WRN: variants seen among roughly 807,000 people sequenced by gnomAD.
WRN encodes WRN RecQ like helicase.
Under a neutral mutation model 180.7 loss-of-function variants are expected in WRN, and 149 were observed. The observed-to-expected ratio is 0.82, with a 90% CI of 0.72 to 0.94. WRN has a LOEUF of 0.94. Among genes scored for constraint, WRN ranks in the 40% least tolerant of loss-of-function variants. The probability of loss-of-function intolerance (pLI) is 0.00; values close to 1 mark genes in which losing one functional copy is unlikely to be tolerated. For missense variants in WRN, 1,661 were observed against 1,700.1 expected, an observed-to-expected ratio of 0.98 and a Z score of 0.40; for synonymous variants, 548 against 568.9, an observed-to-expected ratio of 0.96 and a Z score of 0.52.
intron 9 of WRN, 83 bp from the exon 10 acceptor site, chr8:31,083,616 T>C: frequency 1.0e-6 from 1 of 985,326 alleles, no homozygotes; most frequent in South Asian, 1.4e-5. Flanking sequence ...TAAAGATATC[T>C]AGTATATAGG....
intron 7 of WRN, among the ~76,000 whole-genome samples, chr8:31,072,247 T>C (rs989874939): frequency 5.3e-5 from 8 of 152,230 alleles, no homozygotes; most frequent in Non-Finnish European, 7.3e-5. Flanking sequence ...TAAATTCTGC[T>C]GAGAGTTTGA....
chr8:31,099,383 AAAGGAAGG>A (rs564093090), intron 17 of WRN, among the ~76,000 whole-genome samples: 91 of 147,320 alleles, frequency 6.2e-4, no homozygotes, highest in Middle Eastern at 3.5e-3. Context: ...TAGCCTAAGA[AAAGGAAGG>A]AAGGAAGGAA....
chr8:31,170,308 AT>A (rs201494570), intron 34 of WRN, among the ~76,000 whole-genome samples: 1 of 151,364 alleles, frequency 6.6e-6, no homozygotes, highest in Non-Finnish European at 1.5e-5. Flanking sequence ...CTCCTATGTC[AT>A]TTTTTTCTTC....
At chr8:31,135,652 A>G (rs1447479785) in intron 24 of WRN, among the ~76,000 whole-genome samples, 2 of 152,152 alleles carry the variant, frequency 1.3e-5, no homozygotes, top group East Asian at 1.9e-4. Context: ...TGTGGAATAT[A>G]TAGTAGATTT....
chr8:31,111,077 C>G (rs1241795185), intron 18 of WRN, among the ~76,000 whole-genome samples: 5 of 152,062 alleles, frequency 3.3e-5, no homozygotes, highest in East Asian at 3.9e-4. Flanking sequence ...TATCTCAGTA[C>G]CACTGAAGAG....
intron 18 of WRN, among the ~76,000 whole-genome samples, chr8:31,106,632 T>A (rs943781240): frequency 2.0e-5 from 3 of 152,280 alleles, no homozygotes; most frequent in Admixed American, 2.0e-4. Flanking sequence ...CTCTCAGATC[T>A]CTTGGATTTA....
At chr8:31,137,079 T>C (rs998662402) in intron 24 of WRN, among the ~76,000 whole-genome samples, 1 of 151,596 alleles carries the variant, frequency 6.6e-6, no homozygotes, top group Non-Finnish European at 1.5e-5. Context: ...TTTTTAATGT[T>C]ACTTGTTTTA....
chr8:31,109,802 T>G (rs997845178), intron 18 of WRN, among the ~76,000 whole-genome samples: 2 of 152,150 alleles, frequency 1.3e-5, no homozygotes, highest in Admixed American at 1.3e-4. Context: ...TCACATCTAG[T>G]AAGTGGCAAA....
chr8:31,158,766 A>G (rs16877794), intron 33 of WRN, among the ~76,000 whole-genome samples: 93,850 of 151,728 alleles, frequency 0.62, 29,356 homozygotes, highest in South Asian at 0.71. Context: ...TCTAAAGAAC[A>G]AACAGCTCCT....
At chr8:31,047,138 ATTT>A (rs549940818) in intron 1 of WRN, among the ~76,000 whole-genome samples, 11 of 115,282 alleles carry the variant, frequency 9.5e-5, no homozygotes, top group Admixed American at 1.8e-4. Flanking sequence ...GGCAATGCTG[ATTT>A]TTTTTTTTTT....
At chr8:31,066,172 C>T (rs1383650666) in intron 5 of WRN, among the ~76,000 whole-genome samples, 1 of 151,354 alleles carries the variant, frequency 6.6e-6, no homozygotes, top group South Asian at 2.1e-4. Flanking sequence ...GCCACCGCAC[C>T]TGGCCGGCAG....
intron 20 of WRN, among the ~76,000 whole-genome samples, chr8:31,119,249 A>C (rs1801630289): frequency 6.6e-6 from 1 of 151,574 alleles, no homozygotes; most frequent in Non-Finnish European, 1.5e-5. Flanking sequence ...TTCTTTATGA[A>C]ATGGCATGCA....
intron 10 of WRN, among the ~76,000 whole-genome samples, chr8:31,084,855 C>T (rs1016597758): frequency 6.6e-6 from 1 of 152,146 alleles, no homozygotes; most frequent in Non-Finnish European, 1.5e-5. Context: ...TTGGGAGACA[C>T]AGTTTGATAT....
At chr8:31,095,023 T>C (rs1294689646) in intron 16 of WRN, among the ~76,000 whole-genome samples, 3 of 152,188 alleles carry the variant, frequency 2.0e-5, no homozygotes, top group Non-Finnish European at 4.4e-5. Context: ...TTTAAGAAAC[T>C]ATGAAGCTTT....
At chr8:31,037,676 T>C (rs1358369648) in intron 1 of WRN, among the ~76,000 whole-genome samples, 1 of 152,216 alleles carries the variant, frequency 6.6e-6, no homozygotes, top group East Asian at 1.9e-4. Context: ...CTTGGCTCTT[T>C]TGTCAAAAAT....
intron 33 of WRN, among the ~76,000 whole-genome samples, chr8:31,161,590 G>A (rs2130496364): frequency 6.6e-6 from 1 of 152,268 alleles, no homozygotes; most frequent in South Asian, 2.1e-4. Flanking sequence ...TGTAATCCCA[G>A]CACTTTGGGA....
At position 31,100,925 on chromosome 8, in the gene WRN, G is replaced by T; in HGVS notation, c.2058G>T (p.Lys686Asn). ...WGHDFRDSFRKLGSLKTALPM... is the reference protein window; with the variant it reads ...WGHDFRDSFRNLGSLKTALPM... ...ATGATTTTAGGGATTCATTCAGGAA[G>T]TTGGGCTCCCTAAAGACAGCACTGC... Residue 686 changes from lysine (K) to asparagine (N), a missense_variant, in exon 18 of 35, where the codon AAG (lysine) becomes AAT (asparagine). Physicochemically the swap from Lys to Asn is moderately conservative, Grantham distance 94 (BLOSUM62 0). Around this residue, in one of 3 missense-constraint regions of WRN, gnomAD observed 1,141 missense variants for 1,149.4 expected, o/e 0.99. Transcript: ENST00000298139. 6.2e-7 allele frequency: 1 copy of T among 1,613,966 alleles called. No homozygotes were observed.
At chr8:31,126,324 A>G (rs1430634193) in intron 23 of WRN, among the ~76,000 whole-genome samples, 1 of 152,210 alleles carries the variant, frequency 6.6e-6, no homozygotes, top group Non-Finnish European at 1.5e-5. Flanking sequence ...ATTAAACTAG[A>G]AAACAATAAC....
chr8:31,105,264 A>G (rs1801049484), intron 18 of WRN, among the ~76,000 whole-genome samples: 2 of 152,104 alleles, frequency 1.3e-5, no homozygotes, highest in Admixed American at 1.3e-4. Flanking sequence ...TTTTTCTTGA[A>G]ATAATTCTTT....
Sources: allele counts gnomAD v4.1 joint callset (sites outside exome capture counted in the v4.1 genomes callset), GRCh38; gene constraint gnomAD v4.1.1; regional missense constraint gnomAD v4.1.1; transcripts MANE v1.5; gene names NCBI Gene and HGNC (gene_info 2026-07-23, HGNC 2026-07-21).